Variants in LIN28B observed in about 807,000 individuals in gnomAD.
LIN28B encodes protein lin-28 homolog B.
Under a neutral mutation model 21.9 loss-of-function variants are expected in LIN28B, and 5 were observed. That is an observed-to-expected ratio of 0.23 (90% CI 0.12 to 0.48). The LOEUF (loss-of-function observed/expected upper bound fraction) is 0.48, where lower values mean the gene tolerates loss of function less well. Among genes scored for constraint, LIN28B ranks in the 20% least tolerant of loss-of-function variants. The pLI is 0.98. For synonymous variants in LIN28B, 109 were observed against 111.3 expected (o/e 0.98, Z 0.13); for missense variants, 245 against 310.5 (o/e 0.79, Z 1.58).
chr6:104,982,162 AAACTT>A (rs1363262944), intron 2 of LIN28B, among the ~76,000 whole-genome samples: 3 of 152,048 alleles, frequency 2.0e-5, no homozygotes, highest in Non-Finnish European at 4.4e-5. Context: ...AAAGTATAAA[AAACTT>A]GCTGGGCGTG....
chr6:105,082,485 C>G lies in LIN28B; in HGVS notation c.*3702C>G, dbSNP rs183960249. On this transcript the variant is annotated 3_prime_UTR_variant, in exon 4 of 4. Coordinates refer to ENST00000345080, the MANE Select transcript of LIN28B (RefSeq NM_001004317.4). ...ATTTAAATTAATTTATCTGTTTTCT[C>G]TAAGAAATGTTTATCATAAAATATA... 6.5e-6 allele frequency: 1 copy of G among 152,682 alleles called. No individual in the cohort carries two copies. Among genetic ancestry groups the G allele is most frequent in the Admixed American group, 6.5e-5 (1 of 15,276 alleles). The allele number at this position is 152,682 out of a possible 1,614,324, so 9.5% of individuals were successfully genotyped here.
intron 2 of LIN28B, among the ~76,000 whole-genome samples, chr6:104,959,361 G>T (rs1769676624): frequency 6.6e-6 from 1 of 152,070 alleles, no homozygotes; most frequent in African/African-American, 2.4e-5. Context: ...TGAAATATTT[G>T]GTATATTTGC....
intron 2 of LIN28B, among the ~76,000 whole-genome samples, chr6:105,013,313 A>G (rs894382433): frequency 6.6e-6 from 1 of 151,802 alleles, no homozygotes; most frequent in Non-Finnish European, 1.5e-5. Flanking sequence ...ACCCGGCTGC[A>G]TTGTGGTTTT....
intron 2 of LIN28B, among the ~76,000 whole-genome samples, chr6:104,971,084 G>C (rs1769968709): frequency 6.6e-6 from 1 of 152,082 alleles, no homozygotes; most frequent in Admixed American, 6.5e-5. Flanking sequence ...TTAGTGAACA[G>C]TATAACTGTG....
rs367895736 is a variant in LIN28B at position 104,966,314 on chromosome 6, A to T, written c.198+8028A>T. On this transcript the variant is annotated intron_variant, in intron 2 of 3. Transcript: ENST00000345080. ...TAAAATGTGATAAATAATATTTTTCATCTTTATTTTAGAGGGTTATGGTAA... is the reference window on the plus strand; with the variant it reads ...TAAAATGTGATAAATAATATTTTTCTTCTTTATTTTAGAGGGTTATGGTAA... 5.9e-5 allele frequency among the ~76,000 whole-genome samples: 9 copies of T among 152,270 alleles called. No individual in the cohort carries two copies. In the Middle Eastern group the frequency reaches 0.01, roughly 173 times the overall value.
At chr6:105,017,543 T>C (rs1027384725) in intron 2 of LIN28B, among the ~76,000 whole-genome samples, 1 of 152,214 alleles carries the variant, frequency 6.6e-6, no homozygotes, top group Non-Finnish European at 1.5e-5. Flanking sequence ...TCCTGAAATA[T>C]ATTATCCCTA....
chr6:105,011,035 T>C (rs912689850), intron 2 of LIN28B, among the ~76,000 whole-genome samples: 2 of 152,244 alleles, frequency 1.3e-5, no homozygotes, highest in African/African-American at 4.8e-5. Flanking sequence ...CTCACTCAGA[T>C]TGCTGCATCT....
At chr6:105,069,567 AT>A (rs200053722) in intron 3 of LIN28B, among the ~76,000 whole-genome samples, 64 of 145,292 alleles carry the variant, frequency 4.4e-4, no homozygotes, top group Middle Eastern at 3.5e-3. Context: ...TCTACAAAAA[AT>A]TTAAAAAAAA....
intron 3 of LIN28B, among the ~76,000 whole-genome samples, chr6:105,045,397 C>T (rs978344482): frequency 4.0e-5 from 6 of 151,008 alleles, no homozygotes; most frequent in African/African-American, 9.8e-5. Flanking sequence ...AGCAATTCTC[C>T]TGCCTCAGCC....
At chr6:105,021,197 A>G (rs1290736784) in intron 2 of LIN28B, among the ~76,000 whole-genome samples, 2 of 151,990 alleles carry the variant, frequency 1.3e-5, no homozygotes, top group African/African-American at 4.8e-5. Context: ...TGCAGAAGAC[A>G]TGATTTTGTT....
intron 2 of LIN28B, among the ~76,000 whole-genome samples, chr6:104,993,852 G>C (rs1216665160): frequency 7.2e-6 from 1 of 139,202 alleles, no homozygotes; most frequent in East Asian, 2.1e-4. Flanking sequence ...AAAAAAAAAA[G>C]TTAAGACCCT....
intron 3 of LIN28B, among the ~76,000 whole-genome samples, chr6:105,073,462 C>T (rs969053190): frequency 6.6e-6 from 1 of 152,092 alleles, no homozygotes; most frequent in African/African-American, 2.4e-5. Context: ...GTACCTTCTT[C>T]CTGCCCAAAG....
intron 3 of LIN28B, among the ~76,000 whole-genome samples, chr6:105,030,386 G>T (rs889385108): frequency 1.3e-5 from 2 of 152,042 alleles, no homozygotes; most frequent in Non-Finnish European, 2.9e-5. Flanking sequence ...TTCTTTCATG[G>T]TTATTTCCTG....
chr6:105,023,395 A>T (rs867244766), intron 2 of LIN28B, among the ~76,000 whole-genome samples: 1 of 2,686 alleles, frequency 3.7e-4, no homozygotes, highest in African/African-American at 1.7e-3. Flanking sequence ...ATTATATATA[A>T]TATATATAAT....
intron 3 of LIN28B, among the ~76,000 whole-genome samples, chr6:105,067,297 C>A (rs1380751685): frequency 6.6e-6 from 1 of 152,174 alleles, no homozygotes; most frequent in Non-Finnish European, 1.5e-5. Context: ...ATAAACTGAT[C>A]TTGCTTCCAA....
At chr6:105,026,148 A>C (rs528380435) in intron 2 of LIN28B, 150 bp from the exon 3 acceptor site, 18 of 438,882 alleles carry the variant, frequency 4.1e-5, no homozygotes, top group African/African-American at 2.0e-4. Flanking sequence ...AGAAACTTTA[A>C]AATGGTATAT....
chr6:105,010,234 G>A (rs1329719351), intron 2 of LIN28B, among the ~76,000 whole-genome samples: 1 of 151,560 alleles, frequency 6.6e-6, no homozygotes, highest in East Asian at 1.9e-4. Flanking sequence ...ATGGTGGTGT[G>A]TACCTGTAGT....
chr6:105,031,542 T>C (rs114785724), intron 3 of LIN28B, among the ~76,000 whole-genome samples: 4,323 of 149,140 alleles, frequency 0.029, 203 homozygotes, highest in African/African-American at 0.099. Context: ...TTTTTTTTCT[T>C]TTTTTTTTTG....
At chr6:105,038,224 G>A (rs1294896028) in intron 3 of LIN28B, among the ~76,000 whole-genome samples, 2 of 152,176 alleles carry the variant, frequency 1.3e-5, no homozygotes, top group Non-Finnish European at 2.9e-5. Context: ...GGAGTTGCAG[G>A]GCAATGGAAG....
Sources: gnomAD v4.1 joint callset for allele counts (sites outside exome capture counted in the v4.1 genomes callset) on GRCh38, gnomAD v4.1.1 for gene constraint, MANE v1.5 for transcripts, NCBI Gene and HGNC (gene_info 2026-07-23, HGNC 2026-07-21) for gene names.